The following HSPA12A variants were observed in gnomAD, a reference collection of about 807,000 sequenced individuals.
HSPA12A encodes heat shock 70 kDa protein 12A.
In HSPA12A, 28 loss-of-function variants were observed where a neutral mutation model predicts 69.2. The observed-to-expected ratio is 0.40, with a 90% confidence interval of 0.30 to 0.55. The LOEUF is 0.55. Among genes scored for constraint, HSPA12A ranks in the 20% least tolerant of loss-of-function variants. The pLI, the probability that HSPA12A is intolerant of heterozygous loss-of-function variation, is 0.38. For missense variants in HSPA12A, 686 were observed against 900.7 expected, an observed-to-expected ratio of 0.76 and a Z score of 3.05; for synonymous variants, 345 against 370.5, an observed-to-expected ratio of 0.93 and a Z score of 0.79.
In HSPA12A at chr10:116,683,860, C is replaced by G. The variant is rs1554879082; in HGVS notation, c.766G>C (p.Glu256Gln). The change falls in exon 7 of 12, where the codon GAG becomes CAG. Residue 256 changes from glutamate to glutamine, a missense_variant. Glu to Gln is a conservative substitution (Grantham distance 29). Transcript: ENST00000369209. ...TTGACGGCTGCCTTGCTGCTCAGCT[C>G]AATCATCTGGTGTAGCCGCAGCTTT... ...CRKLRLHQMI[E>Q]LSSKAAVNGY... is the part of the protein sequence containing the mutation. The G allele has an allele frequency of 6.2e-7, 1 of 1,601,090 alleles. No homozygotes were observed. The highest frequency in any genetic ancestry group is 1.7e-5 in the Admixed American group (1 of 59,864).
chr10:116,742,414 C>T lies in HSPA12A; in HGVS notation c.40+16G>A. 3 of 1,434,884 alleles carry T rather than the reference C, an allele frequency of 2.1e-6. No homozygotes were observed. The highest frequency in any genetic ancestry group is 2.7e-6 in the Non-Finnish European group (3 of 1,095,990). 88.9% of individuals were successfully genotyped at this position (1,434,884 alleles called of 1,614,324 possible). A position where few individuals can be genotyped will look rare whatever the true frequency, so the allele number is the denominator to read the frequency against. On this transcript the variant is annotated intron_variant, in intron 1 of 11. Coordinates refer to ENST00000369209, the MANE Select transcript of HSPA12A (RefSeq NM_025015.3). Reference sequence around the variant, plus strand: ...CCCCGCCAGCCGCGGCCGCAGGACCCGCAGCCTGCGCTCACCTCGGGGCCC... The same window carrying T: ...CCCCGCCAGCCGCGGCCGCAGGACCTGCAGCCTGCGCTCACCTCGGGGCCC...
At chr10:116,724,582 T>G (rs1415783984) in intron 1 of HSPA12A, among the ~76,000 whole-genome samples, 4 of 152,184 alleles carry the variant, frequency 2.6e-5, no homozygotes, top group Non-Finnish European at 5.9e-5. Context: ...TAACAGGGGC[T>G]GCCTCTGAGT....
intron 2 of HSPA12A, 43 bp downstream of exon 2, chr10:116,707,153 GCACA>G (rs59728190): frequency 0.07 from 40,294 of 577,252 alleles, 450 homozygotes; most frequent in Middle Eastern, 0.12. Flanking sequence ...ACCCATGCGC[GCACA>G]CACACACACA....
At chr10:116,819,784 A>C (rs984843203) in intron 2 of HSPA12A, among the ~76,000 whole-genome samples, 1 of 152,186 alleles carries the variant, frequency 6.6e-6, no homozygotes, top group African/African-American at 2.4e-5. Context: ...GCAACTTCTA[A>C]GGGAATCTGT....
intron 1 of HSPA12A, among the ~76,000 whole-genome samples, chr10:116,719,278 G>A (rs1007552015): frequency 6.6e-6 from 1 of 152,204 alleles, no homozygotes; most frequent in Non-Finnish European, 1.5e-5. Context: ...GGACATGAGA[G>A]GAAGTCGGCC....
At chr10:116,810,618 T>A (rs1845160124) in intron 2 of HSPA12A, among the ~76,000 whole-genome samples, 1 of 152,172 alleles carries the variant, frequency 6.6e-6, no homozygotes. Flanking sequence ...CAAAGTGTGA[T>A]CCCTGGACCA....
chr10:116,691,154 A>G (rs1849725790), intron 6 of HSPA12A, among the ~76,000 whole-genome samples: 1 of 152,176 alleles, frequency 6.6e-6, no homozygotes, highest in Non-Finnish European at 1.5e-5. Context: ...TGGCAGGTAC[A>G]TACACTGAGC....
intron 2 of HSPA12A, among the ~76,000 whole-genome samples, chr10:116,778,469 T>C (rs191829980): frequency 1.8e-4 from 27 of 152,098 alleles, no homozygotes; most frequent in Admixed American, 4.6e-4. Context: ...AGGGCTGTGG[T>C]CCCTCCCTCA....
intron 3 of HSPA12A, among the ~76,000 whole-genome samples, chr10:116,702,278 C>T (rs1235544343): frequency 6.6e-6 from 1 of 152,032 alleles, no homozygotes; most frequent in Non-Finnish European, 1.5e-5. Context: ...CAGGTCCTGG[C>T]TCCTGGCCTG....
At chr10:116,761,610 T>C (rs1554889297) in intron 2 of HSPA12A, among the ~76,000 whole-genome samples, 1 of 150,200 alleles carries the variant, frequency 6.7e-6, no homozygotes, top group African/African-American at 2.5e-5. Flanking sequence ...TAGCCAAGCA[T>C]GGTAGTGCAC....
chr10:116,703,144 G>A (rs1482049572), intron 3 of HSPA12A, among the ~76,000 whole-genome samples: 1 of 152,156 alleles, frequency 6.6e-6, no homozygotes, highest in Non-Finnish European at 1.5e-5. Context: ...GATTCCTGGT[G>A]GCAACTGAAC....
At chr10:116,737,232 C>A (rs943578190) in intron 1 of HSPA12A, among the ~76,000 whole-genome samples, 4 of 152,162 alleles carry the variant, frequency 2.6e-5, no homozygotes, top group Non-Finnish European at 4.4e-5. Context: ...CTACGCTTCC[C>A]AAATCAACCT....
chr10:116,757,343 C>T (rs1843871782), intron 2 of HSPA12A, among the ~76,000 whole-genome samples: 1 of 152,210 alleles, frequency 6.6e-6, no homozygotes, highest in Non-Finnish European at 1.5e-5. Flanking sequence ...GGGCTGACCC[C>T]TCCAGGTCCA....
rs111272121 is a variant in HSPA12A, at chr10:116,825,085, G to A, written c.91+9850C>T. Among the ~76,000 whole-genome samples the A allele has an allele frequency of 4.5e-3, 681 of 151,948 alleles. 2 individuals carry two copies. The highest frequency in any genetic ancestry group is 0.015 in the African/African-American group (640 of 41,468). On this transcript the variant is annotated intron_variant, in intron 2 of 12. Coordinates refer to the HSPA12A transcript ENST00000635765. ...CGCCTGTAGTCCTAGCTACTGGGGG[G>A]CTGTGGTGGGGGAATCACTTGGGCC...
chr10:116,838,818 C>T (rs532457291), intron 1 of HSPA12A, among the ~76,000 whole-genome samples: 4 of 152,318 alleles, frequency 2.6e-5, no homozygotes, highest in Admixed American at 2.0e-4. Flanking sequence ...GTTAAATGCA[C>T]AGAGAGATGA....
chr10:116,705,277 T>C lies in HSPA12A; in HGVS notation c.128A>G (p.Asn43Ser). The change falls in exon 3 of 12, where the codon AAC becomes AGC. Residue 43 changes from asparagine (N) to serine (S), a missense_variant and splice_region_variant. Coordinates refer to ENST00000369209, the MANE Select transcript of HSPA12A (RefSeq NM_025015.3). ...TTCTGAGACGTTGGAGTCAGTGTCG[T>C]TCTGCAGATATACAGTGAGGCATGG... Reference protein sequence around the residue: ...ITPLSPSHIVNDTDSNVSEQQ... With the variant: ...ITPLSPSHIVSDTDSNVSEQQ... 1 of 1,614,054 alleles carries C rather than the reference T, an allele frequency of 6.2e-7. No individual in the cohort carries two copies. The highest frequency in any genetic ancestry group is 1.1e-5 in the South Asian group (1 of 91,066).
At chr10:116,849,762 G>A, upstream of HSPA12A, 1 of 1,477,712 alleles carries the variant, frequency 6.8e-7, no homozygotes. Flanking sequence ...CTCTCCTCCC[G>A]CCAACCCCTC....
intron 2 of HSPA12A, among the ~76,000 whole-genome samples, chr10:116,771,160 C>T (rs939502288): frequency 7.2e-5 from 11 of 152,210 alleles, no homozygotes; most frequent in Admixed American, 3.9e-4. Flanking sequence ...CCCAGAGATG[C>T]CCCAAGTCCA....
intron 1 of HSPA12A, among the ~76,000 whole-genome samples, chr10:116,732,328 C>CGAATG (rs1554885907): frequency 8.1e-6 from 1 of 124,076 alleles, no homozygotes; most frequent in African/African-American, 2.7e-5. Flanking sequence ...TCAAAAAAAA[C>CGAATG]AAAGAAAGAA....
Sources: gnomAD v4.1 joint callset for allele counts (sites outside exome capture counted in the v4.1 genomes callset) on GRCh38, gnomAD v4.1.1 for gene constraint, MANE v1.5 for transcripts, NCBI Gene and HGNC (gene_info 2026-07-23, HGNC 2026-07-21) for gene names.